Variants in RALGPS2 observed in about 807,000 individuals in gnomAD.
RALGPS2 encodes the protein ras-specific guanine nucleotide-releasing factor RalGPS2.
RALGPS2 carries 43 observed loss-of-function variants against 86.8 expected under a neutral mutation model. That is an observed-to-expected ratio of 0.50 (90% CI 0.39 to 0.64). The LOEUF (loss-of-function observed/expected upper bound fraction) is 0.64, where lower values mean the gene tolerates loss of function less well. Among genes scored for constraint, RALGPS2 ranks in the 30% least tolerant of loss-of-function variants. The probability of loss-of-function intolerance (pLI) is 0.00; values close to 1 mark genes in which losing one functional copy is unlikely to be tolerated. For missense variants in RALGPS2, 536 were observed against 694.6 expected (o/e 0.77, Z 2.57); for synonymous variants, 243 against 231.3 (o/e 1.05, Z -0.46).
intron 18 of RALGPS2, among the ~76,000 whole-genome samples, chr1:178,902,986 A>G (rs1012980764): frequency 6.6e-6 from 1 of 152,148 alleles, no homozygotes; most frequent in Non-Finnish European, 1.5e-5. Flanking sequence ...TGGGCCATGT[A>G]TAATCACATC....
At chr1:178,884,786 A>G (rs114832636) in intron 11 of RALGPS2, among the ~76,000 whole-genome samples, 3,231 of 152,328 alleles carry the variant, frequency 0.021, 40 homozygotes, top group Middle Eastern at 0.041. Context: ...TGTTTAGTCC[A>G]GATTTTGTCT....
chr1:178,743,757 G>T (rs571221223), intron 1 of RALGPS2, among the ~76,000 whole-genome samples: 1 of 152,144 alleles, frequency 6.6e-6, no homozygotes, highest in South Asian at 2.1e-4. Context: ...TGAATTGGAC[G>T]AATTTTTTGA....
At chr1:178,727,179 T>C (rs1468893140) in intron 1 of RALGPS2, among the ~76,000 whole-genome samples, 1 of 152,226 alleles carries the variant, frequency 6.6e-6, no homozygotes, top group Non-Finnish European at 1.5e-5. Flanking sequence ...CTTTTTAAAA[T>C]TCAGCATAAT....
chr1:178,867,954 T>C (rs941318526), intron 8 of RALGPS2, among the ~76,000 whole-genome samples: 14 of 152,036 alleles, frequency 9.2e-5, no homozygotes, highest in African/African-American at 3.4e-4. Context: ...AATGGGTAGA[T>C]AATGAAAATA....
At chr1:178,778,922 CTACTT>C (rs1453237403) in intron 2 of RALGPS2, among the ~76,000 whole-genome samples, 2 of 152,164 alleles carry the variant, frequency 1.3e-5, no homozygotes, top group South Asian at 2.1e-4. Context: ...TAATCCTTAT[CTACTT>C]AAGATACTTG....
rs988510238 is a variant in RALGPS2, at chr1:178,852,548, G to T, written c.607+18998G>T. 6.3e-6 allele frequency: 5 copies of T among 789,384 alleles called. No homozygotes were observed. The African/African-American group carries it at 7.0e-5, about 11-fold the overall frequency. The allele number at this position is 789,384 out of a possible 1,614,324, so 48.9% of individuals were successfully genotyped here. A position where few individuals can be genotyped will look rare whatever the true frequency, so the allele number is the denominator to read the frequency against. On this transcript the variant is annotated intron_variant, in intron 8 of 19. Transcript: ENST00000367635. ...ATCCTAAAAGCTATTTCTTTCAGTA[G>T]GTTGGTTGTATTTCCTGCCACAGTG... is the stretch of plus-strand genomic sequence containing the variant.
intron 6 of RALGPS2, among the ~76,000 whole-genome samples, chr1:178,818,231 T>G (rs941463461): frequency 6.6e-6 from 1 of 151,876 alleles, no homozygotes; most frequent in Non-Finnish European, 1.5e-5. Context: ...ATGGTGGGGC[T>G]CTCCTGTAGT....
intron 8 of RALGPS2, among the ~76,000 whole-genome samples, chr1:178,852,120 T>C (rs1044205341): frequency 2.6e-5 from 4 of 152,182 alleles, no homozygotes; most frequent in Admixed American, 1.3e-4. Context: ...TCCAAATGGC[T>C]TGCATCCTTC....
chr1:178,744,031 A>G (rs974565742), intron 1 of RALGPS2, among the ~76,000 whole-genome samples: 1 of 152,206 alleles, frequency 6.6e-6, no homozygotes, highest in Non-Finnish European at 1.5e-5. Context: ...TTACCTTCTT[A>G]CTCAAACTAG....
At chr1:178,776,324 T>C (rs994676098) in intron 1 of RALGPS2, among the ~76,000 whole-genome samples, 2 of 152,310 alleles carry the variant, frequency 1.3e-5, no homozygotes, top group Non-Finnish European at 2.9e-5. Context: ...CGCTAAAAAT[T>C]TATTGTGTTG....
chr1:178,849,254 A>G lies in RALGPS2; in HGVS notation c.607+15704A>G, dbSNP rs570303945. Among the ~76,000 whole-genome samples the G allele has an allele frequency of 2.6e-5, 4 of 152,314 alleles. No individual in the cohort carries two copies. The South Asian group carries it at 6.2e-4, about 24-fold the overall frequency. ...AAGCAGTTCTGACTTCAGAACCTAC[A>G]CTAACTATCATATAATACCGCTTCT... On this transcript the variant is annotated intron_variant, in intron 8 of 19. Coordinates refer to ENST00000367635, the MANE Select transcript of RALGPS2 (RefSeq NM_152663.5).
intron 6 of RALGPS2, among the ~76,000 whole-genome samples, chr1:178,819,462 A>G (rs1021594715): frequency 2.6e-5 from 4 of 152,100 alleles, no homozygotes; most frequent in African/African-American, 9.7e-5. Flanking sequence ...TGAGTCCTTC[A>G]GTGTCTCTGC....
chr1:178,900,923 G>C (rs1660144881), intron 17 of RALGPS2, among the ~76,000 whole-genome samples: 1 of 152,016 alleles, frequency 6.6e-6, no homozygotes, highest in Admixed American at 6.6e-5. Context: ...TTGAAAAAGG[G>C]AATTGAGGTG....
intron 4 of RALGPS2, among the ~76,000 whole-genome samples, chr1:178,793,899 G>A (rs1440401428): frequency 6.6e-6 from 1 of 152,058 alleles, no homozygotes; most frequent in Admixed American, 6.6e-5. Flanking sequence ...TATATTTTCA[G>A]GTTTCTTCCC....
intron 1 of RALGPS2, among the ~76,000 whole-genome samples, chr1:178,765,439 C>T (rs556210263): frequency 4.6e-5 from 7 of 151,996 alleles, no homozygotes; most frequent in East Asian, 3.9e-4. Flanking sequence ...AGGGAGTGTA[C>T]GAATAAGGTG....
intron 11 of RALGPS2, 86 bp downstream of exon 11, chr1:178,883,619 G>A (rs1558169723): frequency 4.8e-6 from 5 of 1,046,710 alleles, no homozygotes; most frequent in South Asian, 4.1e-5. Flanking sequence ...TAAAAACTTA[G>A]TACATCTTAT....
At chr1:178,760,444 C>T (rs1158470194) in intron 1 of RALGPS2, among the ~76,000 whole-genome samples, 6 of 152,070 alleles carry the variant, frequency 3.9e-5, no homozygotes, top group Admixed American at 2.6e-4. Flanking sequence ...ATGCCCTTGT[C>T]TTTTTTTACT....
intron 1 of RALGPS2, among the ~76,000 whole-genome samples, chr1:178,765,169 T>A (rs1358213312): frequency 6.6e-6 from 1 of 152,040 alleles, no homozygotes; most frequent in Non-Finnish European, 1.5e-5. Flanking sequence ...CTTTTTTTTT[T>A]TTTTATACAG....
intron 1 of RALGPS2, among the ~76,000 whole-genome samples, chr1:178,754,773 T>C (rs1651865471): frequency 6.6e-6 from 1 of 152,228 alleles, no homozygotes; most frequent in South Asian, 2.1e-4. Flanking sequence ...ATATACCTTC[T>C]ACTAAATTTA....
Sources: gnomAD v4.1 joint callset for allele counts (sites outside exome capture counted in the v4.1 genomes callset) on GRCh38, gnomAD v4.1.1 for gene constraint, MANE v1.5 for transcripts, NCBI Gene and HGNC (gene_info 2026-07-23, HGNC 2026-07-21) for gene names.